HEATR5A: variants seen among roughly 807,000 people sequenced by gnomAD.
The protein encoded by HEATR5A is HEAT repeat containing 5A, also known as HEAT repeat-containing protein 5A.
HEATR5A carries 178 observed loss-of-function variants against 218.8 expected under a neutral mutation model. The ratio of observed to expected loss-of-function variants is 0.81; its 90% confidence interval spans 0.72 to 0.92. The LOEUF is 0.92. Among genes scored for constraint, HEATR5A ranks in the 40% least tolerant of loss-of-function variants. HEATR5A has a pLI of 0.00. For synonymous variants in HEATR5A, 864 were observed against 871.6 expected (o/e 0.99, Z 0.15); for missense variants, 2,420 against 2,418.9 (o/e 1.00, Z -0.01).
At chr14:31,311,365 C>T (rs561397774) in intron 28 of HEATR5A, among the ~76,000 whole-genome samples, 13 of 151,838 alleles carry the variant, frequency 8.6e-5, no homozygotes, top group African/African-American at 1.4e-4. Context: ...AAAATGTATG[C>T]GGTAACATAC....
In HEATR5A at chr14:31,347,743, C is replaced by T. The variant is rs1777906095; in HGVS notation, c.2868+5G>A. The T allele has an allele frequency of 6.4e-7, 1 of 1,573,766 alleles. No individual in the cohort carries two copies. ...TTCAAGGGAAGTATCACATGAGGTA[C>T]CCACCTGCACATCAGGAGAAGTGCT... On this transcript the variant is annotated splice_donor_5th_base_variant and intron_variant, in intron 19 of 35. Transcript: ENST00000543095.
intron 22 of HEATR5A, among the ~76,000 whole-genome samples, chr14:31,330,706 G>T (rs1465072090): frequency 6.6e-6 from 1 of 151,640 alleles, no homozygotes; most frequent in East Asian, 2.0e-4. Flanking sequence ...CAGGAGAATA[G>T]CATGAACCCA....
At chr14:31,322,372 G>T (rs1900135549) in intron 24 of HEATR5A, among the ~76,000 whole-genome samples, 1 of 152,186 alleles carries the variant, frequency 6.6e-6, no homozygotes, top group African/African-American at 2.4e-5. Context: ...TAACTGTAAA[G>T]TATCTAGCAA....
chr14:31,390,093 A>G (rs1373732367), intron 6 of HEATR5A, among the ~76,000 whole-genome samples: 1 of 152,136 alleles, frequency 6.6e-6, no homozygotes, highest in Non-Finnish European at 1.5e-5. Context: ...ATCTGGAGAA[A>G]AAGTGTTCTA....
intron 21 of HEATR5A, 81 bp from the exon 22 acceptor site, chr14:31,337,695 C>T (rs373378954): frequency 2.0e-5 from 24 of 1,210,404 alleles, no homozygotes; most frequent in Non-Finnish European, 2.7e-5. Flanking sequence ...CACTGGACCC[C>T]TTCCTGATTC....
intron 23 of HEATR5A, among the ~76,000 whole-genome samples, chr14:31,324,074 TA>T (rs373412720): frequency 9.9e-4 from 150 of 151,942 alleles, no homozygotes; most frequent in Middle Eastern, 3.4e-3. Context: ...ACAAACACAA[TA>T]AAAAATATTT....
At chr14:31,337,890 T>C (rs1292114242) in intron 21 of HEATR5A, among the ~76,000 whole-genome samples, 1 of 152,216 alleles carries the variant, frequency 6.6e-6, no homozygotes, top group Admixed American at 6.5e-5. Context: ...AGAATTTATA[T>C]GAGTAAATAG....
chr14:31,386,725 G>T (rs1052192741), intron 8 of HEATR5A, 150 bp from the exon 9 acceptor site: 15 of 645,804 alleles, frequency 2.3e-5, no homozygotes, highest in Non-Finnish European at 3.3e-5. Flanking sequence ...ATGCTTAAAT[G>T]GGGACTTGCA....
At chr14:31,313,786 T>C (rs1279164354) in intron 27 of HEATR5A, among the ~76,000 whole-genome samples, 1 of 152,182 alleles carries the variant, frequency 6.6e-6, no homozygotes, top group Non-Finnish European at 1.5e-5. Context: ...CAACACAGTA[T>C]AAATATTCAA....
intron 6 of HEATR5A, 50 bp downstream of exon 6, chr14:31,394,002 C>A (rs1342649949): frequency 1.1e-5 from 14 of 1,249,820 alleles, no homozygotes; most frequent in Non-Finnish European, 1.4e-5. Context: ...TTTATATCAA[C>A]TGGGGAAAAA....
chr14:31,358,339 T>C (rs1312681808), intron 16 of HEATR5A, among the ~76,000 whole-genome samples: 1 of 152,114 alleles, frequency 6.6e-6, no homozygotes, highest in Non-Finnish European at 1.5e-5. Flanking sequence ...AAAAACCTAG[T>C]ATGTGTCTTT....
chr14:31,387,765 T>A (rs1026591351), intron 7 of HEATR5A, among the ~76,000 whole-genome samples: 6 of 152,210 alleles, frequency 3.9e-5, no homozygotes, highest in Non-Finnish European at 5.9e-5. Context: ...TTTCACCATG[T>A]TACCCAGGAT....
At position 31,315,742 on chromosome 14, in the gene HEATR5A, T is replaced by C. The variant is rs754703485; in HGVS notation, c.4218+28A>G. ...AGGTGTTTATTAACAACTTCCAAAA[T>C]TCCAGTTACAAATTAAGAAATACCA... On this transcript the variant is annotated intron_variant, in intron 27 of 35. Transcript: ENST00000543095. 9 of 1,520,698 alleles carry C rather than the reference T, an allele frequency of 5.9e-6. No homozygotes were observed. In the African/African-American group the frequency reaches 9.7e-5, roughly 16 times the overall value. The allele number at this position is 1,520,698 out of a possible 1,614,324, so 94.2% of individuals were successfully genotyped here. A position where few individuals can be genotyped will look rare whatever the true frequency, so the allele number is the denominator to read the frequency against.
At chr14:31,411,663 T>C (rs2031276698) in intron 1 of HEATR5A, among the ~76,000 whole-genome samples, 1 of 152,142 alleles carries the variant, frequency 6.6e-6, no homozygotes, top group Non-Finnish European at 1.5e-5. Flanking sequence ...GCCAAGAGGG[T>C]GTGCAGATAG....
In HEATR5A at chr14:31,403,000, A is replaced by T; in HGVS notation, c.-25T>A. 3 of 1,529,486 alleles carry T rather than the reference A, an allele frequency of 2.0e-6. No homozygotes were observed. Among genetic ancestry groups the T allele is most frequent in the Non-Finnish European group, 8.7e-7 (1 of 1,142,868 alleles). 94.7% of individuals were successfully genotyped at this position (1,529,486 alleles called of 1,614,324 possible). On this transcript the variant is annotated 5_prime_UTR_variant, in exon 2 of 36. Coordinates refer to ENST00000543095, the MANE Select transcript of HEATR5A (RefSeq NM_015473.4). ...TTCCTTGCAGCAATCCTCCCAGCTG[A>T]TCACAGTTCTTCTCGTTAAACTTTG...
At position 31,371,805 on chromosome 14, in the gene HEATR5A, C is replaced by T. The variant is rs1474413602; in HGVS notation, c.1961+5G>A. The T allele has an allele frequency of 6.9e-7, 1 of 1,447,820 alleles. No individual in the cohort carries two copies. The highest frequency in any genetic ancestry group is 1.3e-5 in the South Asian group (1 of 76,898). 89.7% of individuals were successfully genotyped at this position (1,447,820 alleles called of 1,614,324 possible). A position where few individuals can be genotyped will look rare whatever the true frequency, so the allele number is the denominator to read the frequency against. ...AACTATCAAATCTAAACAGTCGATGCTTACTGAGTTAGCAAATCCACAGCA... is the reference window on the plus strand; with the variant it reads ...AACTATCAAATCTAAACAGTCGATGTTTACTGAGTTAGCAAATCCACAGCA... On this transcript the variant is annotated splice_donor_5th_base_variant and intron_variant, in intron 13 of 35. Coordinates refer to ENST00000543095, the MANE Select transcript of HEATR5A (RefSeq NM_015473.4).
In HEATR5A at chr14:31,408,160, T is replaced by C. The variant is rs116366031; in HGVS notation, c.-74-5111A>G. 9.6e-3 allele frequency among the ~76,000 whole-genome samples: 1,458 copies of C among 152,300 alleles called. 34 individuals carry two copies. Among genetic ancestry groups the C allele is most frequent in the African/African-American group, 0.033 (1,380 of 41,554 alleles). ...CATCATTTTCATACCAGAGGTCTTT[T>C]ATGTTGAGAAAAGTAGGCACTGCAA... On this transcript the variant is annotated intron_variant, in intron 1 of 35. Coordinates refer to ENST00000543095, the MANE Select transcript of HEATR5A (RefSeq NM_015473.4).
chr14:31,383,922 T>C (rs903400187), intron 9 of HEATR5A, among the ~76,000 whole-genome samples, 151 bp from the exon 10 acceptor site: 1 of 152,222 alleles, frequency 6.6e-6, no homozygotes, highest in African/African-American at 2.4e-5. Context: ...CAAATAATTT[T>C]CTTTTAACTT....
chr14:31,310,972 G>A (rs576181378), intron 28 of HEATR5A, among the ~76,000 whole-genome samples: 8 of 152,112 alleles, frequency 5.3e-5, no homozygotes, highest in African/African-American at 1.9e-4. Flanking sequence ...CCTGTGAACA[G>A]TCATTGTACT....
Sources: gnomAD v4.1 joint callset for allele counts (sites outside exome capture counted in the v4.1 genomes callset) on GRCh38, gnomAD v4.1.1 for gene constraint, MANE v1.5 for transcripts, NCBI Gene and HGNC (gene_info 2026-07-23, HGNC 2026-07-21) for gene names.